The following NRG3 variants were observed in gnomAD, a reference collection of about 807,000 sequenced individuals.
The protein encoded by NRG3 is pro-neuregulin-3, membrane-bound isoform.
A neutral mutation model predicts 66.9 loss-of-function variants in NRG3; 31 were observed. That is an observed-to-expected ratio of 0.46 (90% confidence interval 0.35 to 0.63). The LOEUF is 0.63. NRG3 is among the 20% of genes least tolerant of loss of function. The pLI is 0.00. For synonymous variants in NRG3, 393 were observed against 359.4 expected (o/e 1.09, Z -1.06); for missense variants, 910 against 878.9 (o/e 1.04, Z -0.45).
intron 2 of NRG3, among the ~76,000 whole-genome samples, chr10:82,704,859 A>C (rs2056167731): frequency 6.6e-6 from 1 of 152,216 alleles, no homozygotes; most frequent in Non-Finnish European, 1.5e-5. Flanking sequence ...TCAACTCATA[A>C]TTCAATTTTA....
intron 2 of NRG3, among the ~76,000 whole-genome samples, chr10:82,714,077 A>G (rs1240031407): frequency 6.6e-6 from 1 of 152,186 alleles, no homozygotes; most frequent in Non-Finnish European, 1.5e-5. Flanking sequence ...TATGATAACA[A>G]TCCAGTCCAG....
At chr10:82,574,525 A>G (rs1379893206) in intron 2 of NRG3, among the ~76,000 whole-genome samples, 1 of 151,804 alleles carries the variant, frequency 6.6e-6, no homozygotes, top group African/African-American at 2.4e-5. Flanking sequence ...AGCTAGAAGA[A>G]AAGATTTGAA....
At chr10:82,631,292 G>A (rs2049811861) in intron 2 of NRG3, among the ~76,000 whole-genome samples, 1 of 152,118 alleles carries the variant, frequency 6.6e-6, no homozygotes. Flanking sequence ...ATGAGGGAGA[G>A]CCGTCTTGCT....
At chr10:82,526,138 A>G (rs532212537) in intron 2 of NRG3, among the ~76,000 whole-genome samples, 1 of 152,048 alleles carries the variant, frequency 6.6e-6, no homozygotes, top group Non-Finnish European at 1.5e-5. Flanking sequence ...GTTAGAATAA[A>G]TTGCTTTACT....
intron 1 of NRG3, among the ~76,000 whole-genome samples, chr10:82,002,160 A>C (rs1282871478): frequency 6.6e-6 from 1 of 152,190 alleles, no homozygotes; most frequent in Non-Finnish European, 1.5e-5. Flanking sequence ...GCAAGACTTC[A>C]CATTGACCCC....
Position 82,721,947 on chromosome 10 carries a change from GAAA to G in NRG3, c.954-16616_954-16614del, listed in dbSNP as rs537584553. Among the ~76,000 whole-genome samples the G allele has an allele frequency of 3.2e-3, 349 of 108,990 alleles. 1 individual carries two copies. Among genetic ancestry groups the G allele is most frequent in the Non-Finnish European group, 5.5e-3 (271 of 48,870 alleles). 71.5% of individuals were successfully genotyped at this position (108,990 alleles called of 152,430 possible). On this transcript the variant is annotated intron_variant, in intron 2 of 8. Transcript: ENST00000372141. ...TCTTTTTGACCTTGCTTTGTTACAA[GAAA>G]AAAAAAAAAAAAATGGGAGGGGACA...
At chr10:82,347,977 G>A (rs1205719930) in intron 1 of NRG3, among the ~76,000 whole-genome samples, 1 of 151,688 alleles carries the variant, frequency 6.6e-6, no homozygotes, top group African/African-American at 2.4e-5. Flanking sequence ...ATGTGAGATG[G>A]GTTTCCTGAA....
At chr10:82,161,874 G>A (rs1221995667) in intron 1 of NRG3, among the ~76,000 whole-genome samples, 2 of 152,128 alleles carry the variant, frequency 1.3e-5, no homozygotes, top group African/African-American at 2.4e-5. Context: ...CCATGGGAAA[G>A]CAGATTCACT....
intron 2 of NRG3, among the ~76,000 whole-genome samples, chr10:82,439,656 G>T (rs976512188): frequency 2.0e-5 from 3 of 151,908 alleles, no homozygotes; most frequent in African/African-American, 7.2e-5. Context: ...GCAATTCTGA[G>T]TAATTGTGAA....
chr10:82,246,227 A>G (rs1230053824), intron 1 of NRG3, among the ~76,000 whole-genome samples: 1 of 152,150 alleles, frequency 6.6e-6, no homozygotes, highest in Non-Finnish European at 1.5e-5. Context: ...GACTTGGGGC[A>G]GTGACCATCT....
rs781333022 is a variant in NRG3, at chr10:82,357,903, C to G, written c.824-836C>G. On this transcript the variant is annotated intron_variant, in intron 1 of 8. Coordinates refer to ENST00000372141, the MANE Select transcript of NRG3 (RefSeq NM_001010848.4). ...CATTGAATAATTTTTTCTTCTTTGACTTTTTAAGTATATTTTTTGTTGAAT... is the reference window on the plus strand; with the variant it reads ...CATTGAATAATTTTTTCTTCTTTGAGTTTTTAAGTATATTTTTTGTTGAAT... Among the ~76,000 whole-genome samples, 64 of 152,038 alleles carry G rather than the reference C, an allele frequency of 4.2e-4. 1 individual carries two copies. The highest frequency in any genetic ancestry group is 7.4e-5 in the Non-Finnish European group (5 of 68,000).
chr10:82,464,413 G>A (rs1366447184), intron 2 of NRG3, among the ~76,000 whole-genome samples: 2 of 152,182 alleles, frequency 1.3e-5, no homozygotes, highest in African/African-American at 4.8e-5. Context: ...GGGGAAGGCT[G>A]ATTGTGCAGC....
intron 1 of NRG3, among the ~76,000 whole-genome samples, chr10:82,127,793 G>A (rs752012375): frequency 4.6e-5 from 7 of 151,896 alleles, no homozygotes; most frequent in Non-Finnish European, 1.0e-4. Context: ...CAAAATGCAA[G>A]CATTTCAGAG....
At chr10:82,044,353 G>A (rs888963845) in intron 1 of NRG3, among the ~76,000 whole-genome samples, 13 of 151,694 alleles carry the variant, frequency 8.6e-5, no homozygotes, top group Non-Finnish European at 1.8e-4. Context: ...TCCATCATAG[G>A]GCACACTCAC....
At chr10:81,936,763 C>T (rs959801451) in intron 1 of NRG3, among the ~76,000 whole-genome samples, 7 of 152,060 alleles carry the variant, frequency 4.6e-5, no homozygotes, top group African/African-American at 1.7e-4. Context: ...GCTTTACCCT[C>T]CACATCTGTT....
intron 1 of NRG3, among the ~76,000 whole-genome samples, chr10:82,050,497 A>T (rs185675653): frequency 6.6e-6 from 1 of 151,910 alleles, no homozygotes; most frequent in African/African-American, 2.4e-5. Context: ...TTGGTATGGG[A>T]TTTGTGCTGT....
intron 2 of NRG3, among the ~76,000 whole-genome samples, chr10:82,577,198 C>A (rs746888911): frequency 3.3e-5 from 5 of 151,700 alleles, no homozygotes; most frequent in Admixed American, 1.3e-4. Flanking sequence ...ATAAAGTTTA[C>A]TATCTTACCT....
At chr10:82,251,938 G>T (rs2077507231) in intron 1 of NRG3, among the ~76,000 whole-genome samples, 1 of 52 alleles carries the variant, frequency 0.019, no homozygotes, top group Admixed American at 0.12. Flanking sequence ...ATGGTGTGGG[G>T]TGAGGGCATT....
intron 2 of NRG3, among the ~76,000 whole-genome samples, chr10:82,584,845 T>G (rs1025220773): frequency 6.6e-6 from 1 of 152,168 alleles, no homozygotes; most frequent in Non-Finnish European, 1.5e-5. Context: ...TGGCCTCATT[T>G]GAAGGTATGT....
Sources: allele counts gnomAD v4.1 joint callset (sites outside exome capture counted in the v4.1 genomes callset), GRCh38; gene constraint gnomAD v4.1.1; transcripts MANE v1.5; gene names NCBI Gene and HGNC (gene_info 2026-07-23, HGNC 2026-07-21).